ATAD3C: variants seen among roughly 807,000 people sequenced by gnomAD.
ATAD3C encodes ATPase family AAA domain-containing protein 3C.
ATAD3C carries 38 observed loss-of-function variants against 46.3 expected under a neutral mutation model. That is an observed-to-expected ratio of 0.82 (90% confidence interval 0.63 to 1.08). The LOEUF is 1.08. Ranked by LOEUF, ATAD3C falls within the 50% of genes least tolerant of loss-of-function variation. The probability of loss-of-function intolerance (pLI) is 0.00; values close to 1 mark genes in which losing one functional copy is unlikely to be tolerated. For missense variants in ATAD3C, 563 were observed against 572.7 expected (o/e 0.98, Z 0.17); for synonymous variants, 220 against 236.4 (o/e 0.93, Z 0.63).
At position 1,455,516 on chromosome 1, in the gene ATAD3C, T is replaced by C. The variant is rs371483525; in HGVS notation, c.435T>C (p.Leu145=). The stretch of plus-strand genomic sequence containing the variant: ...AGGACGTGCTGGAGGGTGTTGTGCT[T>C]AGTGTAAGTCGGTGTGCCTGGGACC... ...RPQDVLEGVV[L]SPSLEARVRD... is the part of the protein sequence containing the mutation. The change falls in exon 5 of 12, where the codon CTT becomes CTC. Residue 145 remains leucine, a synonymous_variant. Coordinates refer to ENST00000378785, the MANE Select transcript of ATAD3C (RefSeq NM_001039211.3). The C allele has an allele frequency of 7.7e-4, 1,240 of 1,612,348 alleles. 16 individuals carry two copies. The highest frequency in any genetic ancestry group is 8.9e-4 in the Non-Finnish European group (1,045 of 1,179,466).
At position 1,468,508 on chromosome 1, in the gene ATAD3C, A is replaced by C. The variant is rs1173828035; in HGVS notation, c.1214A>C (p.Glu405Ala). Residue 405 changes from glutamate to alanine, a missense_variant, in exon 12 of 12, where the codon GAG becomes GCG. This residue lies in a region of ATAD3C where 273 missense variants were observed against 253.5 expected (regional missense o/e 1.08). Coordinates refer to ENST00000378785, the MANE Select transcript of ATAD3C (RefSeq NM_001039211.3). ...CTGAAGGGGGAGAGGCCTGGGCCCGAGGACGAGCAACCCTCATCCTGAGTC... is the reference window on the plus strand; with the variant it reads ...CTGAAGGGGGAGAGGCCTGGGCCCGCGGACGAGCAACCCTCATCCTGAGTC... ...RWLKGERPGP[E>A]DEQPSS 16 of 1,608,606 alleles carry C rather than the reference A, an allele frequency of 9.9e-6. No individual in the cohort carries two copies. Among genetic ancestry groups the C allele is most frequent in the Non-Finnish European group, 1.3e-5 (15 of 1,177,840 alleles).
In ATAD3C at chr1:1,459,051, G is replaced by T; in HGVS notation, c.742-110G>T. 1.9e-6 allele frequency: 3 copies of T among 1,562,194 alleles called. No individual in the cohort carries two copies. Among genetic ancestry groups the T allele is most frequent in the Non-Finnish European group, 2.6e-6 (3 of 1,153,658 alleles). On this transcript the variant is annotated intron_variant, in intron 8 of 11. Transcript: ENST00000378785. This position sits in a 1 kb window ranked among gnomAD's most constrained non-coding sequence, Gnocchi z 4.9. Reference sequence around the variant, plus strand: ...GGCTTTTGAGTCTAGATCCGTGAAAGTGTCGCCATGTCCCTGCTCCCTGCA... The same window carrying T: ...GGCTTTTGAGTCTAGATCCGTGAAATTGTCGCCATGTCCCTGCTCCCTGCA...
At chr1:1,452,546 C>G in intron 3 of ATAD3C, 112 bp downstream of exon 3, 2 of 1,549,822 alleles carry the variant, frequency 1.3e-6, no homozygotes, top group Non-Finnish European at 8.8e-7. Context: ...TGGCGCTCTC[C>G]CAGCATGGAA....
At position 1,462,341 on chromosome 1, in the gene ATAD3C, C is replaced by A. The variant is rs556562028; in HGVS notation, c.981-259C>A. 1 of 412,858 alleles carries A rather than the reference C, an allele frequency of 2.4e-6. No homozygotes were observed. The highest frequency in any genetic ancestry group is 4.6e-6 in the Non-Finnish European group (1 of 217,092). The allele number at this position is 412,858 out of a possible 1,614,324, so 25.6% of individuals were successfully genotyped here. On this transcript the variant is annotated intron_variant, in intron 10 of 11. Coordinates refer to ENST00000378785, the MANE Select transcript of ATAD3C (RefSeq NM_001039211.3). The surrounding 1 kb of genome is among the most constrained non-coding windows in gnomAD (Gnocchi z 4.5). ...TGCCACTGCCAGTTTAACGGCCATG[C>A]GCCCTGTGGGTGCTGAGTGGACAGG...
chr1:1,455,777 G>A lies in ATAD3C; in HGVS notation c.439-14G>A, dbSNP rs758247282. Reference sequence around the variant, plus strand: ...TGCAGACTGTGTCCTCCAAGCCCCTGTCTTCCTCGGCAGCCCAGCCTGGAA... The same window carrying A: ...TGCAGACTGTGTCCTCCAAGCCCCTATCTTCCTCGGCAGCCCAGCCTGGAA... On this transcript the variant is annotated splice_polypyrimidine_tract_variant and intron_variant, in intron 5 of 11. Coordinates refer to ENST00000378785, the MANE Select transcript of ATAD3C (RefSeq NM_001039211.3). 2.5e-6 allele frequency: 4 copies of A among 1,612,974 alleles called. No homozygotes were observed. In the Admixed American group the frequency reaches 6.7e-5, roughly 27 times the overall value.
Position 1,457,142 on chromosome 1 carries a change from G to GTGGA in ATAD3C, c.706_709dup (p.Glu237GlyfsTer2). 1 of 1,613,538 alleles carries GTGGA rather than the reference G, an allele frequency of 6.2e-7. No individual in the cohort carries two copies. The stretch of plus-strand genomic sequence containing the variant: ...TCTCGTCCACAGCCTCCTGCTCTTT[G>GTGGA]TGGATGAAGCGGACGCCTTCCTTCG... On this transcript the variant is annotated frameshift_variant, in exon 8 of 12. Coordinates refer to ENST00000378785, the MANE Select transcript of ATAD3C (RefSeq NM_001039211.3). LOFTEE classifies it high-confidence loss of function.
intron 11 of ATAD3C, among the ~76,000 whole-genome samples, chr1:1,467,907 G>A (rs549157294): frequency 1.3e-5 from 2 of 152,226 alleles, no homozygotes; most frequent in African/African-American, 4.8e-5. Flanking sequence ...TGCCCAGGAG[G>A]ACAGGGAGGT....
In ATAD3C at chr1:1,468,849, C is replaced by T. The variant is rs1215734160; in HGVS notation, c.*319C>T. 5.9e-6 allele frequency: 2 copies of T among 341,040 alleles called. No individual in the cohort carries two copies. Among genetic ancestry groups the T allele is most frequent in the Middle Eastern group, 9.4e-4 (1 of 1,062 alleles). The allele number at this position is 341,040 out of a possible 1,614,324, so 21.1% of individuals were successfully genotyped here. ...CCGTGCATACGCGGGTGCCCCTTCGCCTCCCTCCCCTCCGCCAGAGCTGCC... is the reference window on the plus strand; with the variant it reads ...CCGTGCATACGCGGGTGCCCCTTCGTCTCCCTCCCCTCCGCCAGAGCTGCC... On this transcript the variant is annotated 3_prime_UTR_variant, in exon 12 of 12. Coordinates refer to ENST00000378785, the MANE Select transcript of ATAD3C (RefSeq NM_001039211.3).
At chr1:1,455,723 G>C (rs1023675965) in intron 5 of ATAD3C, 68 bp from the exon 6 acceptor site, 4 of 1,598,828 alleles carry the variant, frequency 2.5e-6, no homozygotes, top group African/African-American at 1.3e-5. Context: ...AGGCATTCTC[G>C]CAGCCCCTGC....
chr1:1,467,111 G>A (rs562439852), intron 11 of ATAD3C, among the ~76,000 whole-genome samples: 7 of 152,116 alleles, frequency 4.6e-5, no homozygotes, highest in Admixed American at 2.0e-4. Flanking sequence ...GGACCCACCC[G>A]CGACCAGGTT....
intron 9 of ATAD3C, among the ~76,000 whole-genome samples, chr1:1,460,058 C>T (rs1314571112): frequency 6.7e-6 from 1 of 150,048 alleles, no homozygotes; most frequent in Non-Finnish European, 1.5e-5. Context: ...GCTCCTGGCT[C>T]GCGTGGCAGT....
In ATAD3C at chr1:1,465,545, C is replaced by T. The variant is rs567241104; in HGVS notation, c.1089+2837C>T. On this transcript the variant is annotated intron_variant, in intron 11 of 11. Transcript: ENST00000378785. ...GGCGGAGCTTGCAGTGAGCCGAGAT[C>T]GTGCCACTGCACTCCAGCCTGGGCG... Among the ~76,000 whole-genome samples, 13 of 140,554 alleles carry T rather than the reference C, an allele frequency of 9.2e-5. No homozygotes were observed. In the East Asian group the frequency reaches 1.7e-3, roughly 18 times the overall value. 92.2% of individuals were successfully genotyped at this position (140,554 alleles called of 152,430 possible).
chr1:1,457,725 G>A (rs1638990389), intron 8 of ATAD3C, among the ~76,000 whole-genome samples: 1 of 151,516 alleles, frequency 6.6e-6, no homozygotes, highest in Admixed American at 6.6e-5. Flanking sequence ...TGTTGCCAGA[G>A]TGGAGTTCAG....
rs1365943059 is a variant in ATAD3C, at chr1:1,455,863, A to G, written c.511A>G (p.Arg171Gly). 2 of 1,613,472 alleles carry G rather than the reference A, an allele frequency of 1.2e-6. No homozygotes were observed. Among genetic ancestry groups the G allele is most frequent in the Admixed American group, 1.7e-5 (1 of 59,998 alleles). ...RNIKKNRGLYRHILLYGPPGT... is the reference protein window; with the variant it reads ...RNIKKNRGLYGHILLYGPPGT... ...CATCAAGAAGAACCGGGGCCTGTAC[A>G]GGCACATCCTGCTGTACGGGCCACC... The change falls in exon 6 of 12, where the codon AGG (arginine) becomes GGG (glycine). Residue 171 changes from arginine (R) to glycine (G), a missense_variant. Coordinates refer to ENST00000378785, the MANE Select transcript of ATAD3C (RefSeq NM_001039211.3).
In ATAD3C at chr1:1,468,568, G is replaced by A. The variant is rs1402909830; in HGVS notation, c.*38G>A. On this transcript the variant is annotated 3_prime_UTR_variant, in exon 12 of 12. Coordinates refer to ENST00000378785, the MANE Select transcript of ATAD3C (RefSeq NM_001039211.3). The stretch of plus-strand genomic sequence containing the variant: ...ACCACACCTCACGGAGCCTGGCCGC[G>A]GACCCCTCCCACCCCTGCCTTTGCG... The A allele has an allele frequency of 2.5e-6, 4 of 1,585,806 alleles. No homozygotes were observed. Among genetic ancestry groups the A allele is most frequent in the South Asian group, 1.1e-5 (1 of 88,870 alleles).
rs772290308 is a variant in ATAD3C at position 1,468,513 on chromosome 1, G to A, written c.1219G>A (p.Glu407Lys). 5.0e-6 allele frequency: 8 copies of A among 1,608,112 alleles called. No homozygotes were observed. The Admixed American group carries it at 8.6e-5, about 17-fold the overall frequency. ...LKGERPGPED[E>K]QPSS is the part of the protein sequence containing the mutation. ...GGGGGAGAGGCCTGGGCCCGAGGAC[G>A]AGCAACCCTCATCCTGAGTCCATGG... Residue 407 changes from glutamate to lysine, a missense_variant, in exon 12 of 12, where the codon GAG becomes AAG. Physicochemically the swap from Glu to Lys is moderately conservative, Grantham distance 56 (BLOSUM62 1). Transcript: ENST00000378785.
At chr1:1,451,467 C>G (rs1397778363) in intron 1 of ATAD3C, among the ~76,000 whole-genome samples, 1 of 152,054 alleles carries the variant, frequency 6.6e-6, no homozygotes, top group Non-Finnish European at 1.5e-5. Context: ...CTGCCTCAGC[C>G]TCCCAAGTCG....
rs762275330 is a variant in ATAD3C at position 1,452,057 on chromosome 1, T to TGAG, written c.90_92dup (p.Glu30dup). ...CGGCTTCTTCTCAGCAACTTGTCAA[T>TGAG]GAGGATTTACGGAAGCAGGAGGAGT... On this transcript the variant is annotated inframe_insertion, in exon 2 of 12. Coordinates refer to ENST00000378785, the MANE Select transcript of ATAD3C (RefSeq NM_001039211.3). 55 of 1,613,446 alleles carry TGAG rather than the reference T, an allele frequency of 3.4e-5. 1 individual carries two copies. Among genetic ancestry groups the TGAG allele is most frequent in the Non-Finnish European group, 4.5e-5 (53 of 1,179,620 alleles).
At chr1:1,456,814 C>T (rs941374750) in intron 7 of ATAD3C, among the ~76,000 whole-genome samples, 8 of 151,502 alleles carry the variant, frequency 5.3e-5, no homozygotes, top group Admixed American at 2.6e-4. Flanking sequence ...CGGCTGTCCT[C>T]GTTGGAACCA....
Sources: gnomAD v4.1 joint callset for allele counts (sites outside exome capture counted in the v4.1 genomes callset) on GRCh38, gnomAD v4.1.1 for gene constraint, gnomAD v4.1.1 regional missense constraint, Gnocchi (gnomAD v3.1) non-coding constraint, MANE v1.5 for transcripts, NCBI Gene and HGNC (gene_info 2026-07-23, HGNC 2026-07-21) for gene names.